Variants in OGG1 observed in about 807,000 individuals in gnomAD.
OGG1 encodes the protein N-glycosylase/DNA lyase.
A neutral mutation model predicts 42.3 loss-of-function variants in OGG1; 35 were observed. The ratio of observed to expected loss-of-function variants is 0.83; its 90% CI spans 0.63 to 1.10. The LOEUF is 1.10. Ranked by LOEUF, OGG1 falls within the 50% of genes least tolerant of loss-of-function variation. The probability of loss-of-function intolerance (pLI) is 0.00; values close to 1 mark genes in which losing one functional copy is unlikely to be tolerated. For missense variants in OGG1, 484 were observed against 446.7 expected (o/e 1.08, Z -0.75); for synonymous variants, 189 against 179.0 (o/e 1.06, Z -0.44).
chr3:9,779,400 G>C (rs1168562864), intron 2 of OGG1, among the ~76,000 whole-genome samples: 1 of 152,080 alleles, frequency 6.6e-6, no homozygotes, highest in Admixed American at 6.6e-5. Context: ...AAATGAGGAA[G>C]CATCTGGCCC....
chr3:9,787,442 G>T, intron 3 of OGG1: 1 of 1,463,616 alleles, frequency 6.8e-7, no homozygotes, highest in Non-Finnish European at 9.1e-7. Context: ...CAAGTCCCTA[G>T]TCCAAGGCCA....
chr3:9,787,913 C>T (rs761436021), exon 4 of OGG1: 9 of 369,256 alleles, frequency 2.4e-5, no homozygotes, highest in Non-Finnish European at 4.2e-5. Context: ...GAGAGAAGAG[C>T]TTGCCAGAGG....
At chr3:9,774,435 T>G in intron 2 of OGG1, among the ~76,000 whole-genome samples, 1 of 150,496 alleles carries the variant, frequency 6.6e-6, no homozygotes, top group African/African-American at 2.5e-5. Context: ...AAAACAAAAC[T>G]TTAACTTTTG....
chr3:9,786,831 C>T (rs979878335), intron 3 of OGG1, among the ~76,000 whole-genome samples: 1 of 152,148 alleles, frequency 6.6e-6, no homozygotes, highest in Admixed American at 6.5e-5. Flanking sequence ...CTATTAGGTG[C>T]ACAAGTTATA....
rs888756121 is a variant in OGG1 at position 9,787,637 on chromosome 3, G to A, written c.383-91G>A. 1.4e-5 allele frequency: 19 copies of A among 1,352,366 alleles called. No homozygotes were observed. The East Asian group carries it at 2.1e-4, about 15-fold the overall frequency. The allele number at this position is 1,352,366 out of a possible 1,614,324, so 83.8% of individuals were successfully genotyped here. ...TCTCAGGTCACAGCAATTGCCTCTC[G>A]AGAGAATTAGGAGCCTTCAGGTCAC... On this transcript the variant is annotated intron_variant, in intron 3 of 3. Transcript: ENST00000426518.
chr3:9,757,235 G>A lies in OGG1; in HGVS notation c.*85G>A. The stretch of plus-strand genomic sequence containing the variant: ...TCTCCCCATCCCCACCCAGTCTCAT[G>A]TTGGGGAGGGGCCTCCCTGTGACTA... On this transcript the variant is annotated 3_prime_UTR_variant, in exon 7 of 7. Coordinates refer to ENST00000344629, the MANE Select transcript of OGG1 (RefSeq NM_002542.6). This position sits in a 1 kb window ranked among gnomAD's most constrained non-coding sequence, Gnocchi z 4.5. 2 of 1,613,972 alleles carry A rather than the reference G, an allele frequency of 1.2e-6. No individual in the cohort carries two copies. The highest frequency in any genetic ancestry group is 1.7e-6 in the Non-Finnish European group (2 of 1,179,906).
chr3:9,786,429 G>A (rs1433856951), intron 3 of OGG1, among the ~76,000 whole-genome samples: 5 of 152,294 alleles, frequency 3.3e-5, no homozygotes, highest in African/African-American at 1.2e-4. Context: ...GTTTGAGCCA[G>A]AATAGAAAAC....
downstream of OGG1, chr3:9,789,646 C>A: frequency 6.2e-7 from 1 of 1,611,954 alleles, no homozygotes; most frequent in South Asian, 1.1e-5. Context: ...GAGTGGGCGC[C>A]CCTGCCCCAC....
chr3:9,759,157 A>C (rs2125566820), downstream of OGG1: 1 of 1,529,436 alleles, frequency 6.5e-7, no homozygotes, highest in Non-Finnish European at 9.1e-7. Flanking sequence ...TTATTCCGCT[A>C]TGCCTCACTA....
chr3:9,757,801 G>T, downstream of OGG1: 1 of 1,613,640 alleles, frequency 6.2e-7, no homozygotes, highest in East Asian at 2.2e-5. This position sits in a 1 kb window ranked among gnomAD's most constrained non-coding sequence, Gnocchi z 4.5. Flanking sequence ...GTGCCCAGCT[G>T]CAGTTTCCTC....
chr3:9,751,775 C>T lies in OGG1; in HGVS notation c.391C>T (p.Arg131Ter), dbSNP rs780890325. 6 of 1,614,094 alleles carry T rather than the reference C, an allele frequency of 3.7e-6. No homozygotes were observed. Among genetic ancestry groups the T allele is most frequent in the South Asian group, 3.3e-5 (3 of 91,080 alleles). Residue 131 changes from arginine to a stop codon, truncating the protein, a stop_gained, in exon 3 of 7, where the codon CGA becomes TGA. Transcript: ENST00000344629. LOFTEE classifies it high-confidence loss of function. ...CCTGCATTTCTGGTCTCCAGGTGTG[C>T]GACTGCTGCGACAAGACCCCATCGA... ...QEVAQKFQGV[R>*]LLRQDPIECL...
At chr3:9,779,813 A>G (rs561290283) in intron 2 of OGG1, 1 of 152,316 alleles carries the variant, frequency 6.6e-6, no homozygotes, top group South Asian at 2.1e-4. Context: ...AGCCACAAGT[A>G]TCCTCAGAAA....
At chr3:9,766,152 G>A (rs1359635142) in exon 8 of OGG1, 2 of 981,146 alleles carry the variant, frequency 2.0e-6, no homozygotes, top group Admixed American at 2.0e-5. Context: ...GTCTCCTGTT[G>A]AGCTGGTAGG....
intron 7 of OGG1, among the ~76,000 whole-genome samples, chr3:9,765,356 G>C (rs910570805): frequency 1.3e-5 from 2 of 152,130 alleles, no homozygotes; most frequent in African/African-American, 4.8e-5. Flanking sequence ...TAGACCAGTT[G>C]GTTGTGGATT....
At chr3:9,786,039 T>A in intron 3 of OGG1, among the ~76,000 whole-genome samples, 1 of 151,980 alleles carries the variant, frequency 6.6e-6, no homozygotes, top group East Asian at 1.9e-4. Flanking sequence ...CCTGGGTTCA[T>A]GCCATTCTCC....
chr3:9,779,707 C>T (rs186852683), intron 2 of OGG1, among the ~76,000 whole-genome samples: 1 of 152,272 alleles, frequency 6.6e-6, no homozygotes, highest in Admixed American at 6.5e-5. Flanking sequence ...GATTGGCTAA[C>T]CGTGAAGGCC....
intron 3 of OGG1, chr3:9,787,635 T>G (rs2078646920): frequency 1.5e-6 from 2 of 1,335,932 alleles, no homozygotes; most frequent in South Asian, 1.3e-5. Flanking sequence ...CAATTGCCTC[T>G]CGAGAGAATT....
intron 5 of OGG1, 25 bp downstream of exon 5, chr3:9,756,646 T>C: frequency 6.2e-7 from 1 of 1,612,376 alleles, no homozygotes; most frequent in Non-Finnish European, 8.5e-7. Context: ...CTGCAGGGGC[T>C]GGCAGTGGGC....
chr3:9,789,268 T>A (rs986786382), downstream of OGG1, among the ~76,000 whole-genome samples: 2 of 152,154 alleles, frequency 1.3e-5, no homozygotes, highest in African/African-American at 4.8e-5. Context: ...TAAAGGAACA[T>A]GGGCAGACTT....
Sources: gnomAD v4.1 joint callset for allele counts (sites outside exome capture counted in the v4.1 genomes callset) on GRCh38, gnomAD v4.1.1 for gene constraint, Gnocchi (gnomAD v3.1) non-coding constraint, MANE v1.5 for transcripts, NCBI Gene and HGNC (gene_info 2026-07-23, HGNC 2026-07-21) for gene names.